HDAC9: variants seen among roughly 807,000 people sequenced by gnomAD.
HDAC9 encodes the protein MEF-2 interacting transcription repressor (MITR) protein.
In HDAC9, 41 loss-of-function variants were observed where a neutral mutation model predicts 139.4. The observed-to-expected ratio is 0.29, with a 90% CI of 0.23 to 0.38. The LOEUF (loss-of-function observed/expected upper bound fraction) is 0.38. Among genes scored for constraint, HDAC9 ranks in the 10% least tolerant of loss-of-function variants. The pLI is 1.00. For synonymous variants in HDAC9, 517 were observed against 476.2 expected (o/e 1.09, Z -1.12); for missense variants, 1,147 against 1,297.0 (o/e 0.88, Z 1.78).
intron 2 of HDAC9, among the ~76,000 whole-genome samples, chr7:18,199,856 G>C (rs1397906158): frequency 6.6e-6 from 1 of 151,664 alleles, no homozygotes; most frequent in Non-Finnish European, 1.5e-5. Flanking sequence ...CTGGAGCCCA[G>C]GAATTTGAGG....
chr7:18,603,688 A>G (rs1380264157), intron 6 of HDAC9, among the ~76,000 whole-genome samples: 1 of 152,118 alleles, frequency 6.6e-6, no homozygotes, highest in African/African-American at 2.4e-5. Flanking sequence ...ACAGTTAACT[A>G]TTAGATCAAT....
intron 22 of HDAC9, among the ~76,000 whole-genome samples, chr7:18,891,300 T>A (rs928451614): frequency 6.6e-6 from 1 of 152,176 alleles, no homozygotes; most frequent in Non-Finnish European, 1.5e-5. Context: ...TGTAGTTAAT[T>A]TCAGTAACTG....
intron 12 of HDAC9, among the ~76,000 whole-genome samples, chr7:18,672,851 C>A (rs1217482309): frequency 6.6e-6 from 1 of 151,936 alleles, no homozygotes; most frequent in Non-Finnish European, 1.5e-5. Flanking sequence ...TGAGTTGATG[C>A]AAAAGTAATT....
At chr7:18,449,864 A>G (rs546158118) in intron 1 of HDAC9, among the ~76,000 whole-genome samples, 2 of 152,266 alleles carry the variant, frequency 1.3e-5, no homozygotes, top group Non-Finnish European at 2.9e-5. Context: ...AAAATCTCCA[A>G]TTTATACCTC....
chr7:18,705,333 C>T (rs1229721592), intron 12 of HDAC9, among the ~76,000 whole-genome samples: 1 of 152,174 alleles, frequency 6.6e-6, no homozygotes, highest in Non-Finnish European at 1.5e-5. Flanking sequence ...TTCTTCCCTA[C>T]CTCACACCCA....
intron 22 of HDAC9, among the ~76,000 whole-genome samples, chr7:18,926,084 C>T (rs946170042): frequency 6.6e-6 from 1 of 152,084 alleles, no homozygotes; most frequent in Non-Finnish European, 1.5e-5. Flanking sequence ...CATGGTGGCT[C>T]ACACCTGTAA....
At chr7:18,320,724 T>A (rs931167174) in intron 1 of HDAC9, among the ~76,000 whole-genome samples, 3 of 152,178 alleles carry the variant, frequency 2.0e-5, no homozygotes, top group Non-Finnish European at 2.9e-5. Context: ...CAGATAAGTC[T>A]GACATTTCCT....
At chr7:18,874,281 A>T (rs75479592) in intron 21 of HDAC9, among the ~76,000 whole-genome samples, 197 bp from the exon 22 acceptor site, 2 of 151,922 alleles carry the variant, frequency 1.3e-5, no homozygotes, top group Non-Finnish European at 2.9e-5. Context: ...ACCAAAAAAG[A>T]CTGAATTGGG....
rs114070346 is a variant in HDAC9 at position 18,686,547 on chromosome 7, C to T, written c.1731+20071C>T. Among the ~76,000 whole-genome samples the T allele has an allele frequency of 3.8e-3, 574 of 151,938 alleles. 3 individuals carry two copies. Among genetic ancestry groups the T allele is most frequent in the Middle Eastern group, 0.014 (4 of 294 alleles). ...AACTCTTCCATTCTTATATTACATA[C>T]TTGATGTGGAATTTGCCTTATGTAT... is the stretch of plus-strand genomic sequence containing the variant. On this transcript the variant is annotated intron_variant, in intron 12 of 25. Transcript: ENST00000686413.
At chr7:18,977,919 GACACACACACAC>G (rs147049392) in intron 25 of HDAC9, among the ~76,000 whole-genome samples, 109 of 141,034 alleles carry the variant, frequency 7.7e-4, no homozygotes, top group South Asian at 1.4e-3. Context: ...CAGACAGACA[GACACACACACAC>G]ACACACACAC....
intron 1 of HDAC9, among the ~76,000 whole-genome samples, chr7:18,464,138 G>A (rs901365904): frequency 1.7e-4 from 26 of 151,788 alleles, no homozygotes; most frequent in African/African-American, 6.0e-4. Context: ...TTTTTATGGT[G>A]CTAATTTAAC....
rs185731706 is a variant in HDAC9, at chr7:18,669,222, G to T, written c.1731+2746G>T. Reference sequence around the variant, plus strand: ...CAACTTAAAAAATTATTTTTAAAAAGCTTAACACAATCCCTTGAACATAAC... The same window carrying T: ...CAACTTAAAAAATTATTTTTAAAAATCTTAACACAATCCCTTGAACATAAC... On this transcript the variant is annotated intron_variant, in intron 12 of 25. Coordinates refer to ENST00000686413, the MANE Select transcript of HDAC9 (RefSeq NM_178425.4). Among the ~76,000 whole-genome samples, 36 of 151,712 alleles carry T rather than the reference G, an allele frequency of 2.4e-4. No homozygotes were observed. In the East Asian group the frequency reaches 6.0e-3, roughly 25 times the overall value.
intron 12 of HDAC9, among the ~76,000 whole-genome samples, chr7:18,675,447 G>T (rs1381074208): frequency 1.3e-5 from 2 of 152,062 alleles, no homozygotes; most frequent in Non-Finnish European, 2.9e-5. Flanking sequence ...AGCTTTAAAT[G>T]TGTTAACATG....
chr7:18,520,551 C>T (rs1158758948), intron 2 of HDAC9, among the ~76,000 whole-genome samples: 1 of 152,132 alleles, frequency 6.6e-6, no homozygotes, highest in African/African-American at 2.4e-5. Flanking sequence ...TCAAATGTTT[C>T]TGGCACCTGG....
chr7:18,184,828 A>G (rs954602131), intron 2 of HDAC9, among the ~76,000 whole-genome samples: 6 of 152,188 alleles, frequency 3.9e-5, no homozygotes, highest in African/African-American at 1.4e-4. Flanking sequence ...ATATTATAGT[A>G]CTGTATTTTT....
intron 17 of HDAC9, among the ~76,000 whole-genome samples, chr7:18,794,209 A>G (rs1387170769): frequency 6.6e-6 from 1 of 152,194 alleles, no homozygotes; most frequent in East Asian, 1.9e-4. Context: ...ACTAGTTCAC[A>G]CACTTCATGA....
At chr7:18,977,227 A>C (rs1784602992) in intron 25 of HDAC9, among the ~76,000 whole-genome samples, 1 of 152,220 alleles carries the variant, frequency 6.6e-6, no homozygotes, top group Non-Finnish European at 1.5e-5. Flanking sequence ...TGCCGTTCCC[A>C]GCTAAGAACT....
chr7:18,174,042 T>C (rs926095115), intron 2 of HDAC9, among the ~76,000 whole-genome samples: 4 of 152,212 alleles, frequency 2.6e-5, no homozygotes, highest in Non-Finnish European at 5.9e-5. Flanking sequence ...TGAAGAGTGT[T>C]TTCCAACTCA....
At chr7:18,879,909 G>A (rs1444636831) in intron 22 of HDAC9, among the ~76,000 whole-genome samples, 2 of 151,974 alleles carry the variant, frequency 1.3e-5, no homozygotes, top group African/African-American at 2.4e-5. Flanking sequence ...TGCAAACTAT[G>A]CATCTGACAA....
Sources: gnomAD v4.1 joint callset for allele counts (sites outside exome capture counted in the v4.1 genomes callset) on GRCh38, gnomAD v4.1.1 for gene constraint, MANE v1.5 for transcripts, NCBI Gene and HGNC (gene_info 2026-07-23, HGNC 2026-07-21) for gene names.